Variants in BNC2 observed in about 807,000 individuals in gnomAD.
BNC2 encodes the protein zinc finger protein basonuclin-2.
In BNC2, 20 loss-of-function variants were observed where a neutral mutation model predicts 76.3. The observed-to-expected ratio is 0.26, with a 90% CI of 0.18 to 0.38. BNC2 has a LOEUF of 0.38. Ranked by LOEUF, BNC2 falls within the 10% of genes least tolerant of loss-of-function variation. The pLI is 1.00. For missense variants in BNC2, 1,382 were observed against 1,399.8 expected (o/e 0.99, Z 0.20); for synonymous variants, 582 against 514.8 (o/e 1.13, Z -1.77).
chr9:16,841,030 T>G (rs1465490179), intron 1 of BNC2, among the ~76,000 whole-genome samples: 1 of 152,218 alleles, frequency 6.6e-6, no homozygotes, highest in Non-Finnish European at 1.5e-5. Flanking sequence ...GATTCCACAT[T>G]TGAACACTGT....
At chr9:16,637,951 CA>C (rs1821376713) in intron 3 of BNC2, among the ~76,000 whole-genome samples, 1 of 152,104 alleles carries the variant, frequency 6.6e-6, no homozygotes, top group African/African-American at 2.4e-5. Flanking sequence ...AGGGAACATG[CA>C]AAAAATCAGA....
chr9:16,668,132 T>G (rs980011927), intron 3 of BNC2, among the ~76,000 whole-genome samples: 2 of 152,166 alleles, frequency 1.3e-5, no homozygotes, highest in African/African-American at 4.8e-5. Context: ...ACCAGCTTAT[T>G]TTTATGCACC....
intron 1 of BNC2, among the ~76,000 whole-genome samples, chr9:16,802,935 T>C (rs547136825): frequency 6.6e-6 from 1 of 152,358 alleles, no homozygotes; most frequent in Admixed American, 6.5e-5. Context: ...TCATAAGCTA[T>C]TGCATTTTTA....
chr9:16,633,577 C>T (rs1821230052), intron 3 of BNC2, among the ~76,000 whole-genome samples: 1 of 152,166 alleles, frequency 6.6e-6, no homozygotes, highest in Non-Finnish European at 1.5e-5. Flanking sequence ...CCAATATATT[C>T]TTGGTTTGTT....
chr9:16,711,636 C>T (rs1563910684), intron 3 of BNC2, among the ~76,000 whole-genome samples: 1 of 152,160 alleles, frequency 6.6e-6, no homozygotes, highest in South Asian at 2.1e-4. Context: ...TCTTTCCTAA[C>T]TCATTTTGTT....
intron 1 of BNC2, among the ~76,000 whole-genome samples, chr9:16,739,477 T>C (rs1390362720): frequency 6.6e-6 from 1 of 152,224 alleles, no homozygotes; most frequent in East Asian, 1.9e-4. Flanking sequence ...GAGACCATCC[T>C]GGCCAAAATG....
intron 5 of BNC2, among the ~76,000 whole-genome samples, chr9:16,520,393 G>A (rs1817580433): frequency 6.6e-6 from 1 of 152,120 alleles, no homozygotes; most frequent in African/African-American, 2.4e-5. Flanking sequence ...AAGAAAAGCA[G>A]GAATGGTTAA....
intron 4 of BNC2, among the ~76,000 whole-genome samples, chr9:16,555,554 T>C (rs1680820240): frequency 6.6e-6 from 1 of 151,994 alleles, no homozygotes; most frequent in Admixed American, 6.6e-5. Flanking sequence ...CCCAGCACTT[T>C]GGGAGGCGAG....
intron 1 of BNC2, among the ~76,000 whole-genome samples, chr9:16,774,073 C>G (rs984485450): frequency 8.5e-5 from 13 of 152,116 alleles, no homozygotes; most frequent in African/African-American, 2.7e-4. Flanking sequence ...CCTTTGTCTC[C>G]CAGGCTCAAG....
chr9:16,415,511 T>C lies in BNC2; in HGVS notation c.*3478A>G, dbSNP rs1330642739. 6.6e-6 allele frequency: 1 copy of C among 152,614 alleles called. No individual in the cohort carries two copies. The highest frequency in any genetic ancestry group is 2.4e-5 in the African/African-American group (1 of 41,462). 9.5% of individuals were successfully genotyped at this position (152,614 alleles called of 1,614,324 possible). ...ATTTTCAGCCAGCATAGAATGCATG[T>C]GGCTTGAGAGAAACTGTTTAACAAC... On this transcript the variant is annotated 3_prime_UTR_variant, in exon 7 of 7. Coordinates refer to ENST00000380672, the MANE Select transcript of BNC2 (RefSeq NM_017637.6).
intron 1 of BNC2, among the ~76,000 whole-genome samples, chr9:16,800,023 G>C (rs139581806): frequency 6.6e-6 from 1 of 151,966 alleles, no homozygotes; most frequent in African/African-American, 2.4e-5. Flanking sequence ...TCAGGAGTTC[G>C]AGACCAGCCT....
intron 1 of BNC2, among the ~76,000 whole-genome samples, chr9:16,756,288 T>C (rs556967823): frequency 6.6e-6 from 1 of 152,182 alleles, no homozygotes; most frequent in Non-Finnish European, 1.5e-5. Context: ...TTTGTTGGCA[T>C]GATTATTTTA....
At chr9:16,455,512 C>T (rs557796841) in intron 5 of BNC2, among the ~76,000 whole-genome samples, 2 of 152,118 alleles carry the variant, frequency 1.3e-5, no homozygotes, top group South Asian at 4.2e-4. Context: ...AAATATTGGC[C>T]GGGCGTGATG....
intron 3 of BNC2, among the ~76,000 whole-genome samples, chr9:16,656,419 C>G (rs1821931887): frequency 1.3e-5 from 2 of 152,098 alleles, no homozygotes; most frequent in Non-Finnish European, 2.9e-5. Flanking sequence ...ACAGAATTCA[C>G]AGTACCAGTA....
chr9:16,685,437 A>T, intron 3 of BNC2: 1 of 565,140 alleles, frequency 1.8e-6, no homozygotes, highest in Non-Finnish European at 3.1e-6. Flanking sequence ...CTTTACACCT[A>T]ACTCAATGGT....
intron 3 of BNC2, among the ~76,000 whole-genome samples, chr9:16,707,350 T>G (rs1250214749): frequency 6.6e-6 from 1 of 152,196 alleles, no homozygotes; most frequent in African/African-American, 2.4e-5. Flanking sequence ...AAGAATCAAG[T>G]GATGCCGTGA....
At chr9:16,707,161 C>T (rs1353578126) in intron 3 of BNC2, among the ~76,000 whole-genome samples, 3 of 151,736 alleles carry the variant, frequency 2.0e-5, no homozygotes, top group African/African-American at 7.3e-5. Flanking sequence ...GAGATCGCGC[C>T]ACTGCACTCC....
rs1343306709 is a variant in BNC2, at chr9:16,419,432, T to C, written c.2857A>G (p.Met953Val). Residue 953 changes from methionine to valine, a missense_variant, in exon 7 of 7, where the codon ATG becomes GTG. Met to Val is a conservative substitution (Grantham distance 21, BLOSUM62 1). Around this residue, in one of 3 missense-constraint regions of BNC2, gnomAD observed 798 missense variants for 775.5 expected, o/e 1.03. Coordinates refer to ENST00000380672, the MANE Select transcript of BNC2 (RefSeq NM_017637.6). ...TCAAGGACCATGTAGTCCTCTGCCA[T>C]GCCTCTCCCATACCCGTTCAGGTGG... is the stretch of plus-strand genomic sequence containing the variant. ...DSHLNGYGRGMAEDYMVLDLS... is the reference protein window; with the variant it reads ...DSHLNGYGRGVAEDYMVLDLS... 1.9e-6 allele frequency: 3 copies of C among 1,609,088 alleles called. No homozygotes were observed. The highest frequency in any genetic ancestry group is 1.7e-4 in the Middle Eastern group (1 of 6,016).
chr9:16,656,959 G>C (rs772765441), intron 3 of BNC2, among the ~76,000 whole-genome samples: 8 of 152,194 alleles, frequency 5.3e-5, no homozygotes, highest in Non-Finnish European at 1.0e-4. Flanking sequence ...AGTCTAAGCT[G>C]ACTTTCTGGT....
Sources: gnomAD v4.1 joint callset for allele counts (sites outside exome capture counted in the v4.1 genomes callset) on GRCh38, gnomAD v4.1.1 for gene constraint, gnomAD v4.1.1 regional missense constraint, MANE v1.5 for transcripts, NCBI Gene and HGNC (gene_info 2026-07-23, HGNC 2026-07-21) for gene names.